Variants in DSE observed in about 807,000 individuals in gnomAD.
DSE encodes the protein dermatan sulfate epimerase, also known as dermatan-sulfate epimerase.
Under a neutral mutation model 84.4 loss-of-function variants are expected in DSE, and 36 were observed. The ratio of observed to expected loss-of-function variants is 0.43; its 90% CI spans 0.33 to 0.56. DSE has a LOEUF of 0.56. Ranked by LOEUF, DSE falls within the 20% of genes least tolerant of loss-of-function variation. The pLI is 0.06. For synonymous variants in DSE, 410 were observed against 430.1 expected (o/e 0.95, Z 0.58); for missense variants, 862 against 1,169.6 (o/e 0.74, Z 3.84).
At chr6:116,389,062 C>T (rs1345146792) in intron 1 of DSE, among the ~76,000 whole-genome samples, 1 of 152,158 alleles carries the variant, frequency 6.6e-6, no homozygotes, top group Non-Finnish European at 1.5e-5. Flanking sequence ...GTGAGCGTTT[C>T]CTCCTGGGGT....
intron 2 of DSE, among the ~76,000 whole-genome samples, chr6:116,408,304 G>A (rs1420229864): frequency 1.3e-5 from 2 of 152,158 alleles, no homozygotes; most frequent in African/African-American, 4.8e-5. Flanking sequence ...GTTATAGGTT[G>A]TTTTGCCTGC....
At position 116,344,621 on chromosome 6, in the gene DSE, C is replaced by T. The variant is rs546014747; in HGVS notation, c.-53-54577C>T. Among the ~76,000 whole-genome samples the T allele has an allele frequency of 2.0e-5, 3 of 152,292 alleles. No homozygotes were observed. In the South Asian group the frequency reaches 6.2e-4, roughly 32 times the overall value. On this transcript the variant is annotated intron_variant, in intron 2 of 3. Transcript: ENST00000430252. ...CACCATCAGGCCTGCCTTACAAGAG[C>T]TCCTGAAGGAAGCACTAACCATGGA...
chr6:116,362,642 T>C (rs1310336141), intron 2 of DSE, among the ~76,000 whole-genome samples: 1 of 152,196 alleles, frequency 6.6e-6, no homozygotes, highest in Admixed American at 6.5e-5. Context: ...AATAAATTTC[T>C]ATTGTTTTAG....
chr6:116,266,630 T>C (rs1772641108), intron 2 of DSE, among the ~76,000 whole-genome samples: 1 of 152,208 alleles, frequency 6.6e-6, no homozygotes, highest in African/African-American at 2.4e-5. Context: ...CTATGAGTGA[T>C]ATATGATAAA....
At position 116,286,195 on chromosome 6, in the gene DSE, G is replaced by C. The variant is rs189043385; in HGVS notation, c.-54+27228G>C. 5.9e-3 allele frequency among the ~76,000 whole-genome samples: 900 copies of C among 151,986 alleles called. 8 individuals carry two copies. Among genetic ancestry groups the C allele is most frequent in the African/African-American group, 0.02 (835 of 41,446 alleles). ...ATTTGTTTGTGTCCTCTTTTATTTC[G>C]TTGAGCAGTGGTTTGTAGTTCTCCT... On this transcript the variant is annotated intron_variant, in intron 2 of 3. Transcript: ENST00000430252.
intron 2 of DSE, among the ~76,000 whole-genome samples, chr6:116,402,751 T>C (rs1781675084): frequency 6.6e-6 from 1 of 152,184 alleles, no homozygotes; most frequent in East Asian, 1.9e-4. Context: ...AAAACGTTCA[T>C]TGATGCTCCC....
intron 2 of DSE, among the ~76,000 whole-genome samples, chr6:116,301,476 G>A (rs1331903690): frequency 2.6e-5 from 4 of 152,052 alleles, no homozygotes; most frequent in African/African-American, 9.7e-5. Flanking sequence ...TCTTAAGAGG[G>A]AAGAACCATT....
intron 2 of DSE, among the ~76,000 whole-genome samples, chr6:116,333,855 G>A (rs1166853918): frequency 6.6e-6 from 1 of 151,956 alleles, no homozygotes; most frequent in Admixed American, 6.6e-5. Flanking sequence ...CTACTCAGAG[G>A]TAAGACAATG....
intron 1 of DSE, among the ~76,000 whole-genome samples, chr6:116,387,669 T>G (rs1410102006): frequency 1.3e-5 from 2 of 152,158 alleles, no homozygotes; most frequent in African/African-American, 2.4e-5. Flanking sequence ...TAATGCTGGG[T>G]AGGTTATTTC....
chr6:116,345,680 T>C (rs1186926565), intron 2 of DSE, among the ~76,000 whole-genome samples: 2 of 151,454 alleles, frequency 1.3e-5, no homozygotes, highest in Admixed American at 6.6e-5. Flanking sequence ...AGATCTAAAA[T>C]TGACACCCTA....
Position 116,265,488 on chromosome 6 carries a change from A to G in DSE, c.-54+6521A>G, listed in dbSNP as rs201085349. Among the ~76,000 whole-genome samples the G allele has an allele frequency of 4.6e-5, 7 of 152,220 alleles. No individual in the cohort carries two copies. In the East Asian group the frequency reaches 1.4e-3, roughly 30 times the overall value. Reference sequence around the variant, plus strand: ...CAGTGAAAGCAGAATCTGCCCATACAGACGTGCTAGCAAAGTGATGTGGGG... The same window carrying G: ...CAGTGAAAGCAGAATCTGCCCATACGGACGTGCTAGCAAAGTGATGTGGGG... On this transcript the variant is annotated intron_variant, in intron 2 of 3. Transcript: ENST00000430252.
At chr6:116,378,979 T>G (rs926860891) in intron 1 of DSE, among the ~76,000 whole-genome samples, 1 of 152,164 alleles carries the variant, frequency 6.6e-6, no homozygotes, top group Admixed American at 6.5e-5. Context: ...ATACCATGCT[T>G]CTTATTGCAG....
chr6:116,350,236 A>G (rs142218797), intron 2 of DSE, among the ~76,000 whole-genome samples: 1 of 152,316 alleles, frequency 6.6e-6, no homozygotes, highest in Non-Finnish European at 1.5e-5. Flanking sequence ...GCCTTAATAA[A>G]AACTGCCCAA....
intron 2 of DSE, among the ~76,000 whole-genome samples, chr6:116,340,958 C>T (rs527687200): frequency 6.6e-5 from 10 of 152,228 alleles, no homozygotes; most frequent in African/African-American, 2.2e-4. Flanking sequence ...TATGTGTGCA[C>T]GTGTCTTTAT....
intron 2 of DSE, among the ~76,000 whole-genome samples, chr6:116,349,268 C>T (rs1429614573): frequency 2.0e-5 from 3 of 152,090 alleles, no homozygotes; most frequent in Non-Finnish European, 4.4e-5. Context: ...TAAAGGTTTT[C>T]CCATGCCAGT....
chr6:116,280,627 G>C (rs565979492), intron 2 of DSE, among the ~76,000 whole-genome samples: 2 of 152,296 alleles, frequency 1.3e-5, no homozygotes, highest in African/African-American at 4.8e-5. Context: ...TGTAAGATAG[G>C]AATGTTTGGC....
chr6:116,283,687 A>G (rs1987172), intron 2 of DSE, among the ~76,000 whole-genome samples: 49,508 of 151,744 alleles, frequency 0.33, 8,627 homozygotes, highest in East Asian at 0.65. Context: ...GGGACTACAG[A>G]CACTGGCCAC....
intron 4 of DSE, 44 bp downstream of exon 4, chr6:116,431,237 A>G (rs1366703618): frequency 1.3e-6 from 2 of 1,598,288 alleles, no homozygotes; most frequent in Middle Eastern, 1.7e-4. Context: ...AACTATTGTA[A>G]TTTTTTCTGA....
At chr6:116,288,054 A>T (rs1774037348) in intron 2 of DSE, 1 of 152,076 alleles carries the variant, frequency 6.6e-6, no homozygotes, top group Non-Finnish European at 1.5e-5. Context: ...GTTTATTATG[A>T]TGGCTCCAAT....
Sources: gnomAD v4.1 joint callset for allele counts (sites outside exome capture counted in the v4.1 genomes callset) on GRCh38, gnomAD v4.1.1 for gene constraint, MANE v1.5 for transcripts, NCBI Gene and HGNC (gene_info 2026-07-23, HGNC 2026-07-21) for gene names.